PCDH15: variants seen among roughly 807,000 people sequenced by gnomAD.
The protein encoded by PCDH15 is protocadherin related 15, also known as protocadherin-15.
Under a neutral mutation model 178.5 loss-of-function variants are expected in PCDH15, and 129 were observed. That is an observed-to-expected ratio of 0.72 (90% CI 0.63 to 0.84). PCDH15 has a LOEUF of 0.84. Ranked by LOEUF, PCDH15 falls within the 40% of genes least tolerant of loss-of-function variation. The pLI is 0.00. For synonymous variants in PCDH15, 800 were observed against 732.0 expected (o/e 1.09, Z -1.50); for missense variants, 2,230 against 2,099.9 (o/e 1.06, Z -1.21).
At chr10:54,116,715 C>T (rs2095119594) in intron 15 of PCDH15, among the ~76,000 whole-genome samples, 1 of 152,176 alleles carries the variant, frequency 6.6e-6, no homozygotes, top group Admixed American at 6.5e-5. Context: ...GTCCAATAAC[C>T]AGTGTCATTC....
At chr10:55,347,653 A>C (rs187316946) in intron 2 of PCDH15, among the ~76,000 whole-genome samples, 45 of 152,284 alleles carry the variant, frequency 3.0e-4, no homozygotes, top group Admixed American at 2.7e-3. Context: ...ATTGTTATAA[A>C]TAATAGCTTC....
chr10:54,380,082 T>C (rs1948996561), intron 3 of PCDH15, among the ~76,000 whole-genome samples: 1 of 152,100 alleles, frequency 6.6e-6, no homozygotes, highest in Non-Finnish European at 1.5e-5. Context: ...AGTAATTTAA[T>C]AATAACTATA....
intron 2 of PCDH15, among the ~76,000 whole-genome samples, chr10:55,070,463 T>A (rs938213483): frequency 1.3e-5 from 2 of 152,128 alleles, no homozygotes; most frequent in Admixed American, 6.6e-5. Context: ...GTATAAGGTG[T>A]AAGGAAGGGA....
intron 8 of PCDH15, among the ~76,000 whole-genome samples, chr10:54,292,352 C>T (rs1193618415): frequency 6.6e-6 from 1 of 152,068 alleles, no homozygotes; most frequent in East Asian, 1.9e-4. Context: ...ATGACAAACC[C>T]ACAGCCAATA....
At chr10:54,112,659 T>G (rs377545165) in intron 15 of PCDH15, among the ~76,000 whole-genome samples, 13 of 152,298 alleles carry the variant, frequency 8.5e-5, no homozygotes, top group African/African-American at 2.9e-4. Flanking sequence ...GGTGGAGACA[T>G]AAATACTATT....
At chr10:55,115,998 C>T (rs1438659596) in intron 2 of PCDH15, among the ~76,000 whole-genome samples, 1 of 152,128 alleles carries the variant, frequency 6.6e-6, no homozygotes, top group Admixed American at 6.6e-5. Context: ...ATCTACACCC[C>T]TTAGAAAGTA....
At chr10:55,122,663 G>A (rs1443886461) in intron 2 of PCDH15, among the ~76,000 whole-genome samples, 2 of 152,138 alleles carry the variant, frequency 1.3e-5, no homozygotes, top group Non-Finnish European at 2.9e-5. Flanking sequence ...AAATAAAAGA[G>A]AGATGTTGTG....
chr10:54,001,859 C>G (rs149850354), intron 20 of PCDH15, among the ~76,000 whole-genome samples: 1 of 151,718 alleles, frequency 6.6e-6, no homozygotes, highest in Non-Finnish European at 1.5e-5. Context: ...CACACATAGA[C>G]TGAAAATAAA....
chr10:55,446,016 C>A (rs368260865), intron 2 of PCDH15, among the ~76,000 whole-genome samples: 47 of 152,240 alleles, frequency 3.1e-4, no homozygotes, highest in African/African-American at 9.9e-4. Flanking sequence ...GAAAGGCACA[C>A]ATTGCTTCTG....
At chr10:54,552,466 T>C (rs541025447) in intron 2 of PCDH15, among the ~76,000 whole-genome samples, 2 of 152,294 alleles carry the variant, frequency 1.3e-5, no homozygotes, top group Non-Finnish European at 2.9e-5. Context: ...TATTAATGAA[T>C]GTGTTACAGG....
At chr10:55,305,232 T>C (rs1352519225) in intron 1 of PCDH15, among the ~76,000 whole-genome samples, 1 of 152,012 alleles carries the variant, frequency 6.6e-6, no homozygotes, top group Non-Finnish European at 1.5e-5. Context: ...TTGGGCTAGA[T>C]GACTAGCTCA....
intron 1 of PCDH15, among the ~76,000 whole-genome samples, chr10:55,222,882 T>C (rs1840926841): frequency 6.6e-6 from 1 of 151,686 alleles, no homozygotes; most frequent in African/African-American, 2.4e-5. Context: ...CATGAGTTAA[T>C]CCTGGATGAA....
At chr10:54,156,853 C>T (rs10458670) in intron 13 of PCDH15, among the ~76,000 whole-genome samples, 97,080 of 152,096 alleles carry the variant, frequency 0.64, 32,455 homozygotes, top group East Asian at 0.89. Context: ...ATGGGAGGAA[C>T]TGGCCAAAAC....
chr10:54,009,219 T>C (rs1285629045), intron 20 of PCDH15, among the ~76,000 whole-genome samples: 1 of 152,096 alleles, frequency 6.6e-6, no homozygotes, highest in Non-Finnish European at 1.5e-5. Flanking sequence ...AATAAAGTTT[T>C]AATTTCCTGA....
intron 2 of PCDH15, among the ~76,000 whole-genome samples, chr10:54,902,751 T>C (rs1347275158): frequency 6.6e-6 from 1 of 152,208 alleles, no homozygotes; most frequent in Non-Finnish European, 1.5e-5. Context: ...GGTTGTAATC[T>C]GCTCTAGATA....
intron 2 of PCDH15, among the ~76,000 whole-genome samples, chr10:54,970,384 G>T (rs1052698568): frequency 1.3e-5 from 2 of 152,134 alleles, no homozygotes; most frequent in African/African-American, 4.8e-5. Flanking sequence ...GCTACAGGTT[G>T]AACCATAAAG....
chr10:55,012,536 C>T (rs1314084159), intron 2 of PCDH15, among the ~76,000 whole-genome samples: 1 of 151,962 alleles, frequency 6.6e-6, no homozygotes, highest in African/African-American at 2.4e-5. Flanking sequence ...CCTACAGTGC[C>T]CAGTGAAAAC....
At chr10:54,202,782 A>T (rs2133992822) in intron 10 of PCDH15, among the ~76,000 whole-genome samples, 1 of 146,406 alleles carries the variant, frequency 6.8e-6, no homozygotes, top group Non-Finnish European at 1.5e-5. Flanking sequence ...ACTACATTCC[A>T]GCCTGAGCAA....
At chr10:54,350,606 TC>T (rs1944017897) in intron 5 of PCDH15, among the ~76,000 whole-genome samples, 1 of 152,094 alleles carries the variant, frequency 6.6e-6, no homozygotes, top group African/African-American at 2.4e-5. Context: ...GTCTGAAAAG[TC>T]TAAAAAGGCT....
Sources: gnomAD v4.1 joint callset for allele counts (sites outside exome capture counted in the v4.1 genomes callset) on GRCh38, gnomAD v4.1.1 for gene constraint, MANE v1.5 for transcripts, NCBI Gene and HGNC (gene_info 2026-07-23, HGNC 2026-07-21) for gene names.